The following CAMTA1 variants were observed in gnomAD, a reference collection of about 807,000 sequenced individuals.
CAMTA1 encodes calmodulin binding transcription activator 1, also known as calmodulin-binding transcription activator 1.
CAMTA1 carries 27 observed loss-of-function variants against 170.9 expected under a neutral mutation model. The observed-to-expected ratio is 0.16, with a 90% CI of 0.12 to 0.22. The LOEUF is 0.22. Among genes scored for constraint, CAMTA1 ranks in the 10% least tolerant of loss-of-function variants. CAMTA1 has a pLI of 1.00. For synonymous variants in CAMTA1, 833 were observed against 891.5 expected (o/e 0.93, Z 1.17); for missense variants, 1,619 against 2,217.2 (o/e 0.73, Z 5.42).
At chr1:6,904,669 G>A (rs948737395) in intron 3 of CAMTA1, among the ~76,000 whole-genome samples, 2 of 143,900 alleles carry the variant, frequency 1.4e-5, no homozygotes, top group East Asian at 4.1e-4. Context: ...CCAGGCTCAA[G>A]CAGTCCTCCC....
intron 6 of CAMTA1, among the ~76,000 whole-genome samples, chr1:7,586,890 G>A (rs1289936042): frequency 6.6e-6 from 1 of 152,018 alleles, no homozygotes; most frequent in Non-Finnish European, 1.5e-5. Context: ...CAATAGCAGT[G>A]TGGATGGGGA....
At chr1:7,116,967 G>A (rs185045433) in intron 4 of CAMTA1, among the ~76,000 whole-genome samples, 2 of 145,924 alleles carry the variant, frequency 1.4e-5, no homozygotes, top group East Asian at 4.2e-4. Context: ...AGTTTTCATA[G>A]AAATAACTAC....
intron 7 of CAMTA1, among the ~76,000 whole-genome samples, chr1:7,646,975 C>T (rs775851632): frequency 6.6e-6 from 1 of 152,200 alleles, no homozygotes; most frequent in Non-Finnish European, 1.5e-5. Flanking sequence ...GCAGTGCTGC[C>T]GAGACACCAC....
At chr1:7,364,613 A>T (rs546909039) in intron 5 of CAMTA1, among the ~76,000 whole-genome samples, 10 of 152,094 alleles carry the variant, frequency 6.6e-5, no homozygotes, top group Non-Finnish European at 1.5e-4. Context: ...GGCAGGCGTG[A>T]AGGAGGCTGC....
chr1:6,969,158 C>T (rs1454983152), intron 3 of CAMTA1, among the ~76,000 whole-genome samples: 1 of 152,172 alleles, frequency 6.6e-6, no homozygotes, highest in Non-Finnish European at 1.5e-5. Context: ...GAGGGCTAAA[C>T]CAGATGCCTT....
chr1:7,572,940 C>T (rs552604633), intron 6 of CAMTA1, among the ~76,000 whole-genome samples: 1 of 152,182 alleles, frequency 6.6e-6, no homozygotes, highest in Non-Finnish European at 1.5e-5. Flanking sequence ...TCCCTCTCAG[C>T]CCCAGCCCAG....
chr1:7,123,907 TGGGCTTCAC>T (rs1353328440), intron 4 of CAMTA1, among the ~76,000 whole-genome samples: 1 of 152,086 alleles, frequency 6.6e-6, no homozygotes, highest in Non-Finnish European at 1.5e-5. Context: ...GAGGTGGCTG[TGGGCTTCAC>T]GGGGAAAGTG....
At chr1:7,201,147 A>G (rs1414091356) in intron 4 of CAMTA1, among the ~76,000 whole-genome samples, 1 of 152,212 alleles carries the variant, frequency 6.6e-6, no homozygotes, top group Non-Finnish European at 1.5e-5. Context: ...ATGAAATCGT[A>G]TAATATGTGG....
chr1:6,796,845 A>G (rs1342591726), intron 1 of CAMTA1, among the ~76,000 whole-genome samples: 1 of 152,188 alleles, frequency 6.6e-6, no homozygotes, highest in Non-Finnish European at 1.5e-5. Flanking sequence ...TCCGGCCCAT[A>G]GTATCTTTCA....
chr1:7,269,901 A>T (rs1032104667), intron 5 of CAMTA1, among the ~76,000 whole-genome samples: 2 of 152,156 alleles, frequency 1.3e-5, no homozygotes, highest in Admixed American at 1.3e-4. Context: ...ACATCAAGAA[A>T]TATAATCAAG....
chr1:7,650,054 A>T (rs1033775685), intron 7 of CAMTA1, among the ~76,000 whole-genome samples: 1 of 152,196 alleles, frequency 6.6e-6, no homozygotes, highest in African/African-American at 2.4e-5. Context: ...GAGGCACCTG[A>T]GTCCAGGAGG....
chr1:6,789,892 C>T (rs1169142131), intron 1 of CAMTA1, among the ~76,000 whole-genome samples: 1 of 146,070 alleles, frequency 6.8e-6, no homozygotes, highest in Non-Finnish European at 1.5e-5. Context: ...TTCGTGCAAC[C>T]TCTGCCTTCC....
intron 10 of CAMTA1, among the ~76,000 whole-genome samples, chr1:7,676,086 C>G (rs972093123): frequency 6.6e-6 from 1 of 152,240 alleles, no homozygotes; most frequent in African/African-American, 2.4e-5. Context: ...CTAAGAGGAG[C>G]AGCCCTGAGC....
intron 5 of CAMTA1, among the ~76,000 whole-genome samples, chr1:7,327,239 C>A (rs940890212): frequency 6.6e-6 from 1 of 151,526 alleles, no homozygotes; most frequent in Admixed American, 6.6e-5. Flanking sequence ...CCTGTCTCTA[C>A]TAAAAATACA....
At chr1:7,104,375 C>CAA (rs1436925417) in intron 4 of CAMTA1, among the ~76,000 whole-genome samples, 1 of 151,740 alleles carries the variant, frequency 6.6e-6, no homozygotes, top group Non-Finnish European at 1.5e-5. Flanking sequence ...CACATACACA[C>CAA]ACACACACAC....
rs74052946 is a variant in CAMTA1, at chr1:7,342,915, A to G, written c.438+93289A>G. ...TTTTCCACTTTCCCTGGGACCATCA[A>G]TCAGACACGGAACTCCTTGCTCCTA... On this transcript the variant is annotated intron_variant, in intron 5 of 22. Transcript: ENST00000303635. Among the ~76,000 whole-genome samples the G allele has an allele frequency of 1.3e-3, 203 of 152,274 alleles. 1 individual carries two copies. The highest frequency in any genetic ancestry group is 4.6e-3 in the African/African-American group (193 of 41,550).
At chr1:7,204,362 T>C (rs1389109704) in intron 4 of CAMTA1, among the ~76,000 whole-genome samples, 1 of 152,174 alleles carries the variant, frequency 6.6e-6, no homozygotes, top group Admixed American at 6.5e-5. Context: ...TGGTATGTTG[T>C]GTCTTCATGT....
chr1:7,218,360 A>G (rs1660122666), intron 4 of CAMTA1, among the ~76,000 whole-genome samples: 3 of 152,234 alleles, frequency 2.0e-5, no homozygotes, highest in East Asian at 1.9e-4. Context: ...ATAGTCTTCT[A>G]CAGATGAAGA....
At chr1:7,629,044 ATGGCTTCTTG>A (rs897255169) in intron 6 of CAMTA1, among the ~76,000 whole-genome samples, 3 of 152,190 alleles carry the variant, frequency 2.0e-5, no homozygotes. Flanking sequence ...CGAAAGGCCC[ATGGCTTCTTG>A]TCCCAGGGGT....
Sources: allele counts gnomAD v4.1 joint callset (sites outside exome capture counted in the v4.1 genomes callset), GRCh38; gene constraint gnomAD v4.1.1; transcripts MANE v1.5; gene names NCBI Gene and HGNC (gene_info 2026-07-23, HGNC 2026-07-21).